The following LOXHD1 variants were observed in gnomAD, a reference collection of about 807,000 sequenced individuals.
LOXHD1 encodes the protein lipoxygenase homology domain-containing protein 1.
LOXHD1 carries 205 observed loss-of-function variants against 248.2 expected under a neutral mutation model. The observed-to-expected ratio is 0.83, with a 90% CI of 0.74 to 0.93. LOXHD1 has a LOEUF of 0.93. Among genes scored for constraint, LOXHD1 ranks in the 40% least tolerant of loss-of-function variants. The probability of loss-of-function intolerance (pLI) is 0.00; values close to 1 mark genes in which losing one functional copy is unlikely to be tolerated. For synonymous variants in LOXHD1, 1,113 were observed against 1,162.8 expected, an observed-to-expected ratio of 0.96 and a Z score of 0.87; for missense variants, 2,930 against 2,971.6, an observed-to-expected ratio of 0.99 and a Z score of 0.33.
At chr18:46,607,289 CCATAT>C (rs1256644902) in intron 6 of LOXHD1, among the ~76,000 whole-genome samples, 1 of 150,458 alleles carries the variant, frequency 6.6e-6, no homozygotes, top group African/African-American at 2.4e-5. Context: ...CATTATGACA[CCATAT>C]ATATATGGTG....
chr18:46,642,025 G>A lies in LOXHD1; in HGVS notation c.257C>T (p.Ala86Val). The stretch of plus-strand genomic sequence containing the variant: ...CACATCGACGTTGCCCTTCTCAAAG[G>A]CAGACTTGCTCCTGCAATGAACACG... The part of the protein sequence containing the change: ...KLQLTSKSKS[A>V]FEKGNVDVFR... Residue 86 changes from alanine to valine, a missense_variant, in exon 3 of 41, where the codon GCC (alanine) becomes GTC (valine). Ala to Val is a moderately conservative substitution (Grantham distance 64, BLOSUM62 0). Coordinates refer to ENST00000642948, the MANE Select transcript of LOXHD1 (RefSeq NM_001384474.1). 6.4e-7 allele frequency: 1 copy of A among 1,552,214 alleles called. No homozygotes were observed. The highest frequency in any genetic ancestry group is 8.7e-7 in the Non-Finnish European group (1 of 1,147,060).
Position 46,534,315 on chromosome 18 carries a change from C to T in LOXHD1, c.4212+20G>A. ...GAAAGGGACAAAAGAAACAGCAGGA[C>T]AGACCAGTCAACAACTCACGTCTTT... is the stretch of plus-strand genomic sequence containing the variant. On this transcript the variant is annotated intron_variant, in intron 27 of 40. Coordinates refer to ENST00000642948, the MANE Select transcript of LOXHD1 (RefSeq NM_001384474.1). 6.6e-7 allele frequency: 1 copy of T among 1,522,212 alleles called. No individual in the cohort carries two copies. Among genetic ancestry groups the T allele is most frequent in the Non-Finnish European group, 8.9e-7 (1 of 1,120,420 alleles). 94.3% of individuals were successfully genotyped at this position (1,522,212 alleles called of 1,614,324 possible).
intron 6 of LOXHD1, among the ~76,000 whole-genome samples, chr18:46,606,971 G>T (rs778514482): frequency 6.6e-5 from 10 of 151,898 alleles, no homozygotes; most frequent in Non-Finnish European, 1.3e-4. Flanking sequence ...TTCGAGACCA[G>T]CCTGGTTGAC....
chr18:46,630,533 C>T (rs956376838), intron 4 of LOXHD1, among the ~76,000 whole-genome samples: 1 of 152,210 alleles, frequency 6.6e-6, no homozygotes, highest in Non-Finnish European at 1.5e-5. Context: ...CCAAATCTAC[C>T]TGGAGAGCAC....
At position 46,524,839 on chromosome 18, in the gene LOXHD1, A is replaced by G. The variant is rs886044147; in HGVS notation, c.4609T>C (p.Cys1537Arg). ...ACCTTCTCCACGTACCAGTCTGCGC[A>G]CCACTTGGAGTTGTCATGGCGGAGC... Reference protein sequence around the residue: ...IKLRHDNSKWCADWYVEKVEI... With the variant: ...IKLRHDNSKWRADWYVEKVEI... Residue 1537 changes from cysteine (C) to arginine (R), a missense_variant, in exon 30 of 41, where the codon TGC becomes CGC. Coordinates refer to ENST00000642948, the MANE Select transcript of LOXHD1 (RefSeq NM_001384474.1). 7 of 1,551,612 alleles carry G rather than the reference A, an allele frequency of 4.5e-6. No homozygotes were observed. The African/African-American group carries it at 8.2e-5, about 18-fold the overall frequency.
intron 1 of LOXHD1, among the ~76,000 whole-genome samples, chr18:46,651,379 G>A (rs1439565258): frequency 6.6e-6 from 1 of 152,034 alleles, no homozygotes; most frequent in Non-Finnish European, 1.5e-5. Flanking sequence ...AACCCCCGGA[G>A]CCCACTCCTG....
At chr18:46,604,268 T>A (rs2038381228) in intron 6 of LOXHD1, 39 bp from the exon 7 acceptor site, 3 of 1,550,096 alleles carry the variant, frequency 1.9e-6, no homozygotes, top group African/African-American at 2.7e-5. Flanking sequence ...TAGATAAGTG[T>A]TGTTGAGGGT....
intron 4 of LOXHD1, among the ~76,000 whole-genome samples, chr18:46,625,404 A>G (rs1470035898): frequency 2.3e-5 from 3 of 131,640 alleles, no homozygotes; most frequent in Admixed American, 1.5e-4. Flanking sequence ...AGTGGCATCC[A>G]GTCTTTTGGC....
At position 46,639,046 on chromosome 18, in the gene LOXHD1, A is replaced by G; in HGVS notation, c.511+570T>C. 1.3e-5 allele frequency among the ~76,000 whole-genome samples: 2 copies of G among 152,194 alleles called. 1 individual carries two copies. The highest frequency in any genetic ancestry group is 1.3e-4 in the Admixed American group (2 of 15,276). On this transcript the variant is annotated intron_variant, in intron 4 of 40. Coordinates refer to ENST00000642948, the MANE Select transcript of LOXHD1 (RefSeq NM_001384474.1). ...ATGAGGCCAGAACTTTGGGGGACAA[A>G]TGTATCTGCCTCCCATTATTCCCGT...
chr18:46,594,003 G>A (rs1394008406), intron 9 of LOXHD1, among the ~76,000 whole-genome samples: 1 of 152,148 alleles, frequency 6.6e-6, no homozygotes, highest in Non-Finnish European at 1.5e-5. Flanking sequence ...TTAAATCGGG[G>A]AACGAGTTGA....
intron 34 of LOXHD1, among the ~76,000 whole-genome samples, chr18:46,512,289 T>C (rs745919515): frequency 6.6e-6 from 1 of 152,118 alleles, no homozygotes; most frequent in African/African-American, 2.4e-5. Context: ...TGGCTCCACC[T>C]GGACCTGCCA....
In LOXHD1 at chr18:46,483,575, C is replaced by T. The variant is rs559508107; in HGVS notation, c.6341+12G>A. The T allele has an allele frequency of 5.2e-6, 8 of 1,551,494 alleles. No homozygotes were observed. In the African/African-American group the frequency reaches 8.2e-5, roughly 16 times the overall value. ...GGAGTGGCACTTCCTTGGGGAGAGGCTCAGTACATACACATTGCCGTACTC... is the reference window on the plus strand; with the variant it reads ...GGAGTGGCACTTCCTTGGGGAGAGGTTCAGTACATACACATTGCCGTACTC... On this transcript the variant is annotated intron_variant, in intron 40 of 40. Coordinates refer to ENST00000642948, the MANE Select transcript of LOXHD1 (RefSeq NM_001384474.1).
At chr18:46,499,834 A>C (rs945964888) in intron 37 of LOXHD1, among the ~76,000 whole-genome samples, 1 of 152,212 alleles carries the variant, frequency 6.6e-6, no homozygotes, top group African/African-American at 2.4e-5. Flanking sequence ...GGGATTCTAG[A>C]AATTTGCTAG....
At chr18:46,533,396 A>C (rs2036163511) in intron 27 of LOXHD1, 72 bp from the exon 28 acceptor site, 9 of 1,507,808 alleles carry the variant, frequency 6.0e-6, no homozygotes, top group African/African-American at 1.4e-5. Flanking sequence ...TCATCAGCTC[A>C]ATACTCATGG....
intron 2 of LOXHD1, among the ~76,000 whole-genome samples, chr18:46,645,216 G>T (rs1007973292): frequency 6.6e-6 from 1 of 152,210 alleles, no homozygotes; most frequent in African/African-American, 2.4e-5. Flanking sequence ...GAAATAGAAA[G>T]GAGAGAGGGT....
chr18:46,482,809 G>C (rs2032693931), intron 40 of LOXHD1, among the ~76,000 whole-genome samples: 1 of 152,198 alleles, frequency 6.6e-6, no homozygotes, highest in Admixed American at 6.5e-5. Context: ...GCCCCAGGGA[G>C]AGGTGCAGAT....
chr18:46,512,604 G>A (rs976379821), intron 34 of LOXHD1, among the ~76,000 whole-genome samples: 14 of 152,220 alleles, frequency 9.2e-5, no homozygotes, highest in Non-Finnish European at 2.1e-4. Flanking sequence ...TGAACCTACT[G>A]GGTGGTTCCA....
intron 37 of LOXHD1, among the ~76,000 whole-genome samples, chr18:46,496,373 C>A: frequency 6.6e-6 from 1 of 152,138 alleles, no homozygotes. Flanking sequence ...GAGAAGATTG[C>A]TACACTTTAA....
At chr18:46,653,180 G>C (rs1599080253) in intron 1 of LOXHD1, among the ~76,000 whole-genome samples, 1 of 152,204 alleles carries the variant, frequency 6.6e-6, no homozygotes, top group South Asian at 2.1e-4. Flanking sequence ...CTGGGAGGCA[G>C]AGGTTGCAGT....
Sources: allele counts gnomAD v4.1 joint callset (sites outside exome capture counted in the v4.1 genomes callset), GRCh38; gene constraint gnomAD v4.1.1; transcripts MANE v1.5; gene names NCBI Gene and HGNC (gene_info 2026-07-23, HGNC 2026-07-21).